NTM: variants seen among roughly 807,000 people sequenced by gnomAD.
The protein encoded by NTM is IgLON family member 2.
NTM carries 13 observed loss-of-function variants against 42.1 expected under a neutral mutation model. The ratio of observed to expected loss-of-function variants is 0.31; its 90% CI spans 0.20 to 0.49. NTM has a LOEUF of 0.49. NTM is among the 20% of genes least tolerant of loss of function. NTM has a pLI of 0.99. For missense variants in NTM, 373 were observed against 452.8 expected (o/e 0.82, Z 1.60); for synonymous variants, 187 against 179.2 (o/e 1.04, Z -0.35).
At chr11:131,396,806 C>T (rs1944612111) in intron 1 of NTM, among the ~76,000 whole-genome samples, 1 of 151,752 alleles carries the variant, frequency 6.6e-6, no homozygotes, top group African/African-American at 2.4e-5. Flanking sequence ...TGCACTCCAG[C>T]CCGGGCAACA....
chr11:131,820,782 G>T (rs568241770), intron 1 of NTM, among the ~76,000 whole-genome samples: 2 of 152,132 alleles, frequency 1.3e-5, no homozygotes, highest in Non-Finnish European at 2.9e-5. Context: ...TTTTCACTTG[G>T]TAAATGAGCT....
intron 1 of NTM, chr11:131,535,555 G>A (rs187954321): frequency 3.3e-5 from 5 of 152,260 alleles, no homozygotes; most frequent in East Asian, 1.9e-4. Context: ...ATGGCATAAA[G>A]GTTCTTATGA....
chr11:131,654,036 T>C (rs1344367558), intron 1 of NTM, among the ~76,000 whole-genome samples: 1 of 152,184 alleles, frequency 6.6e-6, no homozygotes, highest in Non-Finnish European at 1.5e-5. Flanking sequence ...GGAGAGTTCA[T>C]TCATTGATTA....
At chr11:131,439,959 T>A (rs1949477370) in intron 1 of NTM, among the ~76,000 whole-genome samples, 1 of 151,270 alleles carries the variant, frequency 6.6e-6, no homozygotes, top group African/African-American at 2.4e-5. Flanking sequence ...TTTTTTTTTT[T>A]AACTACTCTC....
At chr11:132,219,969 T>C (rs925346528) in intron 4 of NTM, among the ~76,000 whole-genome samples, 52 of 152,200 alleles carry the variant, frequency 3.4e-4, no homozygotes, top group African/African-American at 1.3e-3. Flanking sequence ...ACCACTATCA[T>C]CTCCACCATT....
chr11:131,683,245 T>C (rs2658842), intron 1 of NTM, among the ~76,000 whole-genome samples: 48,532 of 152,174 alleles, frequency 0.32, 9,094 homozygotes, highest in African/African-American at 0.52. Context: ...CAGCAGCCCC[T>C]GGCTTTGTTT....
At chr11:131,907,092 C>T (rs901709378) in intron 1 of NTM, among the ~76,000 whole-genome samples, 11 of 151,034 alleles carry the variant, frequency 7.3e-5, no homozygotes, top group Admixed American at 1.3e-4. Context: ...CCCATCTTCT[C>T]GCCTGCACTC....
chr11:131,958,378 G>A (rs372047896), intron 2 of NTM, among the ~76,000 whole-genome samples: 70 of 152,140 alleles, frequency 4.6e-4, no homozygotes, highest in African/African-American at 1.4e-3. Flanking sequence ...AGAGAAGACC[G>A]CACAGGTAAG....
chr11:132,059,689 A>G (rs2080300307), intron 2 of NTM, among the ~76,000 whole-genome samples: 1 of 152,048 alleles, frequency 6.6e-6, no homozygotes. Context: ...ACCAGTTCCC[A>G]TGGACTCCAC....
chr11:131,748,011 T>C (rs1261316314), intron 1 of NTM, among the ~76,000 whole-genome samples: 2 of 152,208 alleles, frequency 1.3e-5, no homozygotes, highest in Non-Finnish European at 2.9e-5. Context: ...CAGTATTACC[T>C]GATACATCTT....
intron 1 of NTM, among the ~76,000 whole-genome samples, chr11:131,799,815 T>C (rs909055786): frequency 3.3e-5 from 5 of 152,220 alleles, no homozygotes; most frequent in African/African-American, 1.2e-4. Context: ...CCTAGTGGCC[T>C]GCAGTTAACT....
chr11:131,869,248 G>C (rs940261431), intron 1 of NTM, among the ~76,000 whole-genome samples: 16 of 152,162 alleles, frequency 1.1e-4, no homozygotes, highest in Admixed American at 3.9e-4. Flanking sequence ...ACTGGAAGAG[G>C]GAACAGGCGC....
chr11:131,475,517 G>T (rs1952840441), intron 1 of NTM, among the ~76,000 whole-genome samples: 1 of 152,018 alleles, frequency 6.6e-6, no homozygotes, highest in South Asian at 2.1e-4. Flanking sequence ...GGATTGAAAT[G>T]CAGGGAGCTG....
At chr11:131,789,176 G>A (rs1235520072) in intron 1 of NTM, among the ~76,000 whole-genome samples, 2 of 151,684 alleles carry the variant, frequency 1.3e-5, no homozygotes, top group Non-Finnish European at 2.9e-5. Context: ...AGCTTCCTGT[G>A]TTGCCGATGA....
intron 2 of NTM, among the ~76,000 whole-genome samples, chr11:132,134,704 G>GGTGTGT (rs200668358): frequency 5.4e-4 from 9 of 16,800 alleles, no homozygotes; most frequent in African/African-American, 1.9e-3. Flanking sequence ...AGTATTCCAT[G>GGTGTGT]GTATATATAT....
intron 1 of NTM, among the ~76,000 whole-genome samples, chr11:131,857,674 A>G (rs2046234495): frequency 6.6e-6 from 1 of 151,906 alleles, no homozygotes; most frequent in East Asian, 1.9e-4. Flanking sequence ...CTTCTCCCTC[A>G]CCCTCACTAA....
intron 1 of NTM, among the ~76,000 whole-genome samples, chr11:131,422,132 G>A (rs1208397445): frequency 6.6e-6 from 1 of 152,220 alleles, no homozygotes. Flanking sequence ...GGGAAGGGGT[G>A]TGGTTTATTT....
At chr11:131,973,945 G>A (rs2063935274) in intron 2 of NTM, among the ~76,000 whole-genome samples, 2 of 152,162 alleles carry the variant, frequency 1.3e-5, no homozygotes, top group Admixed American at 6.6e-5. Flanking sequence ...CCTGAGGCTG[G>A]AAGACCAACT....
intron 2 of NTM, among the ~76,000 whole-genome samples, chr11:132,030,307 A>G (rs1565983823): frequency 6.6e-6 from 1 of 152,240 alleles, no homozygotes; most frequent in Non-Finnish European, 1.5e-5. Flanking sequence ...TAGTCCAATT[A>G]TCTCCTAAAA....
Sources: allele counts gnomAD v4.1 joint callset (sites outside exome capture counted in the v4.1 genomes callset), GRCh38; gene constraint gnomAD v4.1.1; transcripts MANE v1.5; gene names NCBI Gene and HGNC (gene_info 2026-07-23, HGNC 2026-07-21).